CRACDL: variants seen among roughly 807,000 people sequenced by gnomAD.
CRACDL encodes CRACD like, also known as CRACD-like protein.
A neutral mutation model predicts 70.6 loss-of-function variants in CRACDL; 26 were observed. The ratio of observed to expected loss-of-function variants is 0.37; its 90% CI spans 0.27 to 0.51. The LOEUF is 0.51. Ranked by LOEUF, CRACDL falls within the 20% of genes least tolerant of loss-of-function variation. CRACDL has a pLI of 0.94. For missense variants in CRACDL, 1,283 were observed against 1,376.9 expected, an observed-to-expected ratio of 0.93 and a Z score of 1.08; for synonymous variants, 618 against 615.2, an observed-to-expected ratio of 1.00 and a Z score of -0.07.
Position 98,822,452 on chromosome 2 carries a change from C to A in CRACDL, c.1821G>T (p.Trp607Cys). The change falls in exon 7 of 10, where the codon TGG becomes TGT. Residue 607 changes from tryptophan to cysteine, a missense_variant. Physicochemically the swap from Trp to Cys is radical, Grantham distance 215. Around this residue, in one of 2 missense-constraint regions of CRACDL, gnomAD observed 921 missense variants for 881.9 expected, o/e 1.04. Transcript: ENST00000397899. This position sits in a 1 kb window ranked among gnomAD's most constrained non-coding sequence, Gnocchi z 4.9. Reference protein sequence around the residue: ...RLPLARSGPVWRSEAALDDLQ... With the variant: ...RLPLARSGPVCRSEAALDDLQ... ...GGTCGTCAAGAGCCGCCTCGCTCCT[C>A]CAGACCGGGCCGCTCCTCGCGAGGG... The A allele has an allele frequency of 6.8e-7, 1 of 1,480,336 alleles. No homozygotes were observed. The allele number at this position is 1,480,336 out of a possible 1,614,324, so 91.7% of individuals were successfully genotyped here.
chr2:98,823,396 GC>G lies in CRACDL; in HGVS notation c.876del (p.Glu292AspfsTer207). On this transcript the variant is annotated frameshift_variant, in exon 7 of 10. Transcript: ENST00000397899. LOFTEE classifies it high-confidence loss of function. The surrounding 1 kb of genome is among the most constrained non-coding windows in gnomAD (Gnocchi z 4.0). ...GGCGGCAAGGGCGCCGGTGGCCCAG[GC>G]TCAGGGCCTCTGTCTGGCGCCACGT... Reference protein sequence around the residue: ...QQDVAPDRGPEPGPPAPLPPP... With the variant: ...QQDVAPDRGPXPGPPAPLPPP... 6.4e-7 allele frequency: 1 copy of G among 1,551,098 alleles called. No individual in the cohort carries two copies. Among genetic ancestry groups the G allele is most frequent in the Non-Finnish European group, 8.6e-7 (1 of 1,156,348 alleles).
rs1349236662 is a variant in CRACDL at position 98,822,298 on chromosome 2, C to T, written c.1975G>A (p.Ala659Thr). Residue 659 changes from alanine (A) to threonine (T), a missense_variant, in exon 7 of 10, where the codon GCC (alanine) becomes ACC (threonine). Around this residue, in one of 2 missense-constraint regions of CRACDL, gnomAD observed 921 missense variants for 881.9 expected, o/e 1.04. Coordinates refer to ENST00000397899, the MANE Select transcript of CRACDL (RefSeq NM_207362.3). The surrounding 1 kb of genome is among the most constrained non-coding windows in gnomAD (Gnocchi z 4.9). ...CAGGGCTCTCTCGTGCCGGGCGCGG[C>T]GGCCGCCTCCTGAGGGCTCTTGCGC... Reference protein sequence around the residue: ...GPRKSPQEAAAAPGTREPCPA... With the variant: ...GPRKSPQEAATAPGTREPCPA... 6 of 1,525,912 alleles carry T rather than the reference C, an allele frequency of 3.9e-6. No homozygotes were observed. In the African/African-American group the frequency reaches 7.1e-5, roughly 18 times the overall value. The allele number at this position is 1,525,912 out of a possible 1,614,324, so 94.5% of individuals were successfully genotyped here. A position where few individuals can be genotyped will look rare whatever the true frequency, so the allele number is the denominator to read the frequency against.
At position 98,822,629 on chromosome 2, in the gene CRACDL, T is replaced by A. The variant is rs1209226269; in HGVS notation, c.1644A>T (p.Pro548=). ...ERPKAERAEA[P]PAGAERAAPE... ...GCGCCGCCCTCTCGGCGCCCGCCGG[T>A]GGCGCCTCGGCTCGCTCGGCCTTGG... The change falls in exon 7 of 10, where the codon CCA becomes CCT. Residue 548 remains proline (P), a synonymous_variant. Coordinates refer to ENST00000397899, the MANE Select transcript of CRACDL (RefSeq NM_207362.3). This position sits in a 1 kb window ranked among gnomAD's most constrained non-coding sequence, Gnocchi z 4.9. The A allele has an allele frequency of 1.5e-6, 2 of 1,367,756 alleles. No individual in the cohort carries two copies. The highest frequency in any genetic ancestry group is 7.8e-5 in the Admixed American group (2 of 25,496). The allele number at this position is 1,367,756 out of a possible 1,614,324, so 84.7% of individuals were successfully genotyped here.
chr2:98,916,847 G>T (rs1345645396), intron 1 of CRACDL, among the ~76,000 whole-genome samples: 2 of 152,206 alleles, frequency 1.3e-5, no homozygotes, highest in African/African-American at 4.8e-5. Context: ...CTGTTGCCCT[G>T]AGCAAGAGCC....
intron 1 of CRACDL, among the ~76,000 whole-genome samples, chr2:98,930,036 G>A (rs952210234): frequency 1.1e-4 from 17 of 152,056 alleles, no homozygotes; most frequent in African/African-American, 4.1e-4. Context: ...CTTCCCCACT[G>A]GTGACCCAAT....
intron 1 of CRACDL, among the ~76,000 whole-genome samples, chr2:98,898,910 G>A (rs558543163): frequency 4.6e-5 from 7 of 152,174 alleles, no homozygotes; most frequent in South Asian, 2.1e-4. Context: ...GAAGGTAATC[G>A]TCTCCCAAAA....
chr2:98,798,466 A>AAAT (rs1234771353), intron 7 of CRACDL, among the ~76,000 whole-genome samples: 52 of 150,274 alleles, frequency 3.5e-4, no homozygotes, highest in Non-Finnish European at 6.7e-4. Flanking sequence ...AAAAAAAAAA[A>AAAT]AAAAAAAAGA....
intron 1 of CRACDL, among the ~76,000 whole-genome samples, chr2:98,919,490 A>G (rs1708747810): frequency 6.6e-6 from 1 of 152,130 alleles, no homozygotes; most frequent in Non-Finnish European, 1.5e-5. Flanking sequence ...TGTCTCTGGT[A>G]TCATGTGTAG....
rs1275120689 is a variant in CRACDL, at chr2:98,846,824, G to C, written c.-10-14C>G. 1 of 1,603,956 alleles carries C rather than the reference G, an allele frequency of 6.2e-7. No homozygotes were observed. Among genetic ancestry groups the C allele is most frequent in the African/African-American group, 1.3e-5 (1 of 74,702 alleles). ...ATGTCAAGCTCGCTGAAATTATATG[G>C]AAATTCACGTTAAAGAAACATGGTT... On this transcript the variant is annotated splice_polypyrimidine_tract_variant and intron_variant, in intron 1 of 9. Transcript: ENST00000397899.
intron 1 of CRACDL, among the ~76,000 whole-genome samples, chr2:98,862,083 T>C (rs1016780794): frequency 6.6e-6 from 1 of 152,204 alleles, no homozygotes; most frequent in Admixed American, 6.5e-5. Context: ...TCACTTTTCT[T>C]GTTTCTCATT....
chr2:98,871,150 C>T (rs1400764736), intron 1 of CRACDL, among the ~76,000 whole-genome samples: 1 of 152,176 alleles, frequency 6.6e-6, no homozygotes, highest in Non-Finnish European at 1.5e-5. Flanking sequence ...CTTTGCTGTG[C>T]CCAAGCCATA....
intron 5 of CRACDL, among the ~76,000 whole-genome samples, chr2:98,830,552 T>C (rs1159764867): frequency 1.3e-5 from 2 of 152,246 alleles, no homozygotes; most frequent in South Asian, 2.1e-4. Flanking sequence ...AATCATTGTG[T>C]CTTCAAAACG....
At chr2:98,855,359 A>G (rs1240562787) in intron 1 of CRACDL, among the ~76,000 whole-genome samples, 1 of 152,188 alleles carries the variant, frequency 6.6e-6, no homozygotes, top group East Asian at 1.9e-4. Context: ...AGTCCAAAAA[A>G]TGTTACAAAC....
intron 1 of CRACDL, among the ~76,000 whole-genome samples, chr2:98,886,153 A>G (rs747185611): frequency 2.2e-4 from 34 of 152,200 alleles, no homozygotes; most frequent in Non-Finnish European, 4.0e-4. Context: ...GAAGGGGACA[A>G]CTGGGTTGAA....
At chr2:98,796,597 A>G (rs1337681409) in intron 8 of CRACDL, among the ~76,000 whole-genome samples, 1 of 152,216 alleles carries the variant, frequency 6.6e-6, no homozygotes, top group African/African-American at 2.4e-5. Flanking sequence ...GAATAGTTAT[A>G]GATGTCCCAA....
chr2:98,859,521 T>G (rs1249291907), intron 1 of CRACDL, among the ~76,000 whole-genome samples: 1 of 152,186 alleles, frequency 6.6e-6, no homozygotes, highest in Non-Finnish European at 1.5e-5. Context: ...GAAAAATCAA[T>G]GCAATAAACC....
At chr2:98,814,503 A>G (rs1704703956) in intron 7 of CRACDL, among the ~76,000 whole-genome samples, 1 of 152,312 alleles carries the variant, frequency 6.6e-6, no homozygotes, top group African/African-American at 2.4e-5. Context: ...ACTCTTATTT[A>G]ATTCATTAAG....
At chr2:98,907,531 A>G (rs1261175999) in intron 1 of CRACDL, among the ~76,000 whole-genome samples, 1 of 151,892 alleles carries the variant, frequency 6.6e-6, no homozygotes, top group Non-Finnish European at 1.5e-5. Flanking sequence ...CCTCCTCTCC[A>G]CTACCATCCC....
chr2:98,864,548 CTTT>C (rs1048618234), intron 1 of CRACDL, among the ~76,000 whole-genome samples: 11 of 141,804 alleles, frequency 7.8e-5, no homozygotes, highest in African/African-American at 7.7e-5. Flanking sequence ...TGATTGTACC[CTTT>C]TTTTTTTTTT....
Sources: allele counts gnomAD v4.1 joint callset (sites outside exome capture counted in the v4.1 genomes callset), GRCh38; gene constraint gnomAD v4.1.1; regional missense constraint gnomAD v4.1.1; non-coding constraint Gnocchi (gnomAD v3.1); transcripts MANE v1.5; gene names NCBI Gene and HGNC (gene_info 2026-07-23, HGNC 2026-07-21).